The following RAB9B variants were observed in gnomAD, a reference collection of about 807,000 sequenced individuals.
The protein encoded by RAB9B is ras-related protein Rab-9B.
Under a neutral mutation model 8.9 loss-of-function variants are expected in RAB9B, and 1 was observed. That is an observed-to-expected ratio of 0.11 (90% confidence interval 0.04 to 0.53). The LOEUF (loss-of-function observed/expected upper bound fraction) is 0.53. Ranked by LOEUF, RAB9B falls within the 20% of genes least tolerant of loss-of-function variation. The pLI is 0.93. For missense variants in RAB9B, 82 were observed against 152.9 expected (o/e 0.54, Z 2.45); for synonymous variants, 63 against 57.0 (o/e 1.10, Z -0.47).
the RAB9B span, among the ~76,000 whole-genome samples, chrX:103,802,509 G>T: frequency 1.8e-5 from 2 of 111,380 alleles, no homozygotes; most frequent in Admixed American, 1.9e-4. Context: ...TTAGGAAGTG[G>T]CTACATAGGA....
chrX:103,782,295 T>C, the RAB9B span, among the ~76,000 whole-genome samples: 1 of 112,565 alleles, frequency 8.9e-6, no homozygotes. Context: ...TTTCAGACTT[T>C]ACATTAGAAA....
At chrX:103,783,664 A>C in the RAB9B span, among the ~76,000 whole-genome samples, 2 of 112,144 alleles carry the variant, frequency 1.8e-5, no homozygotes, top group African/African-American at 6.5e-5. Flanking sequence ...CTAGGTATTC[A>C]TGCTCTCTGG....
At chrX:103,813,507 G>A in the RAB9B span, among the ~76,000 whole-genome samples, 1 of 108,983 alleles carries the variant, frequency 9.2e-6, no homozygotes, top group Non-Finnish European at 1.9e-5. Flanking sequence ...TCTGTCTCTA[G>A]GCTGGAGGGC....
chrX:103,784,546 T>C, the RAB9B span, among the ~76,000 whole-genome samples: 1 of 112,060 alleles, frequency 8.9e-6, no homozygotes, highest in African/African-American at 3.2e-5. Flanking sequence ...GCTCCTCCCA[T>C]ATGTAAACTA....
At chrX:103,793,231 C>T in the RAB9B span, among the ~76,000 whole-genome samples, 3 of 111,923 alleles carry the variant, frequency 2.7e-5, no homozygotes, top group South Asian at 3.8e-4. Context: ...ACTAGCCCAC[C>T]GGGGACATAG....
chrX:103,827,824 G>A (rs757886065), intron 1 of RAB9B, among the ~76,000 whole-genome samples: 17 of 110,254 alleles, frequency 1.5e-4, no homozygotes, highest in Non-Finnish European at 3.0e-4. Flanking sequence ...GCACCACCAT[G>A]CCCGGCTAAG....
the RAB9B span, among the ~76,000 whole-genome samples, chrX:103,815,253 T>G: frequency 8.9e-6 from 1 of 112,161 alleles, no homozygotes; most frequent in Non-Finnish European, 1.9e-5. Flanking sequence ...GCAATCAAGT[T>G]GGCTTCATCC....
chrX:103,786,257 C>T, the RAB9B span: 1 of 1,121,185 alleles, frequency 8.9e-7, no homozygotes, highest in South Asian at 2.0e-5. Flanking sequence ...GCGGGAGGGG[C>T]ATATGTTTCT....
the RAB9B span, chrX:103,789,476 G>A: frequency 1.3e-6 from 1 of 771,257 alleles, no homozygotes; most frequent in African/African-American, 2.0e-5. Flanking sequence ...AAGGCAAGAA[G>A]GTAGACTGCT....
rs981936689 is a variant in RAB9B at position 103,823,004 on chromosome X, T to C, written c.*2175A>G. 1 of 111,229 alleles carries C rather than the reference T, an allele frequency of 9.0e-6. No homozygotes were observed. The highest frequency in any genetic ancestry group is 2.8e-4 in the East Asian group (1 of 3,558). The allele number at this position is 111,229 out of a possible 1,213,427, so 9.2% of individuals were successfully genotyped here. A position where few individuals can be genotyped will look rare whatever the true frequency, so the allele number is the denominator to read the frequency against. ...AATCCGATACCCATGTAATTTTTTT[T>C]TTTTTACTCAAATGACCACATGCCA... On this transcript the variant is annotated 3_prime_UTR_variant, in exon 3 of 3. Coordinates refer to ENST00000243298, the MANE Select transcript of RAB9B (RefSeq NM_016370.4).
the RAB9B span, among the ~76,000 whole-genome samples, chrX:103,779,259 G>A: frequency 8.9e-6 from 1 of 112,249 alleles, no homozygotes; most frequent in Non-Finnish European, 1.9e-5. Context: ...GCCTGTTGTC[G>A]TCTGAGAACA....
chrX:103,793,218 C>T, the RAB9B span, among the ~76,000 whole-genome samples: 9 of 112,018 alleles, frequency 8.0e-5, no homozygotes, highest in Non-Finnish European at 1.9e-5. Context: ...GGATGGCCAG[C>T]CTACTAGCCC....
the RAB9B span, among the ~76,000 whole-genome samples, chrX:103,807,527 C>G: frequency 8.9e-6 from 1 of 112,278 alleles, no homozygotes; most frequent in African/African-American, 3.2e-5. Context: ...CCCTCCCTGC[C>G]TTTCCCACTG....
intron 2 of RAB9B, among the ~76,000 whole-genome samples, chrX:103,826,197 G>C (rs1011861612): frequency 1.8e-5 from 2 of 111,846 alleles, no homozygotes; most frequent in African/African-American, 6.5e-5. Flanking sequence ...TAGACAAATA[G>C]TATGAAATTG....
chrX:103,790,992 G>A, the RAB9B span: 612 of 215,211 alleles, frequency 2.8e-3, 4 homozygotes, highest in Non-Finnish European at 4.0e-3. Flanking sequence ...TACAGAGAAG[G>A]AATGTCTTTG....
the RAB9B span, among the ~76,000 whole-genome samples, chrX:103,782,971 C>T: frequency 8.9e-6 from 1 of 112,319 alleles, no homozygotes. Context: ...CATCCCCAGG[C>T]TTCAGAGACT....
downstream of RAB9B, among the ~76,000 whole-genome samples, chrX:103,822,066 C>G (rs1008425586): frequency 9.0e-6 from 1 of 111,546 alleles, no homozygotes; most frequent in Non-Finnish European, 1.9e-5. Context: ...TGGAGGGACC[C>G]TGTCTCTAAT....
the RAB9B span, among the ~76,000 whole-genome samples, chrX:103,814,558 G>A: frequency 9.0e-6 from 1 of 111,036 alleles, no homozygotes; most frequent in African/African-American, 3.3e-5. Context: ...AAATTCAAAA[G>A]CTAGCAGAAG....
the RAB9B span, among the ~76,000 whole-genome samples, chrX:103,796,658 T>C: frequency 1.8e-5 from 2 of 109,330 alleles, no homozygotes; most frequent in African/African-American, 3.3e-5. Context: ...TGCTGGAGCA[T>C]GTGGCCTTGT....
Sources: allele counts gnomAD v4.1 joint callset (sites outside exome capture counted in the v4.1 genomes callset), GRCh38; gene constraint gnomAD v4.1.1; transcripts MANE v1.5; gene names NCBI Gene and HGNC (gene_info 2026-07-23, HGNC 2026-07-21).